Variants in SBF2 observed in about 807,000 individuals in gnomAD.
The protein encoded by SBF2 is SET binding factor 2.
A neutral mutation model predicts 225.2 loss-of-function variants in SBF2; 112 were observed. The observed-to-expected ratio is 0.50, with a 90% CI of 0.43 to 0.58. SBF2 has a LOEUF of 0.58. SBF2 is among the 20% of genes least tolerant of loss of function. The pLI, the probability that SBF2 is intolerant of heterozygous loss-of-function variation, is 0.00. For synonymous variants in SBF2, 763 were observed against 773.3 expected (o/e 0.99, Z 0.22); for missense variants, 1,996 against 2,206.2 (o/e 0.90, Z 1.91).
At chr11:9,830,754 A>AC (rs1269584810) in intron 27 of SBF2, among the ~76,000 whole-genome samples, 4 of 151,492 alleles carry the variant, frequency 2.6e-5, no homozygotes, top group African/African-American at 4.9e-5. Flanking sequence ...ACAAAAAAAA[A>AC]AAAACAAAAA....
At chr11:10,261,332 A>AG in intron 1 of SBF2, among the ~76,000 whole-genome samples, 1 of 152,162 alleles carries the variant, frequency 6.6e-6, no homozygotes, top group Non-Finnish European at 1.5e-5. Flanking sequence ...CTTACCGGGT[A>AG]GTGGGGACTA....
chr11:10,106,406 C>A (rs1590968206), intron 2 of SBF2, among the ~76,000 whole-genome samples: 1 of 152,256 alleles, frequency 6.6e-6, no homozygotes, highest in Middle Eastern at 3.4e-3. Context: ...GCAGGCGGCT[C>A]ACCTGAGGTC....
intron 1 of SBF2, among the ~76,000 whole-genome samples, chr11:10,212,532 A>G (rs1957974887): frequency 6.6e-6 from 1 of 152,166 alleles, no homozygotes; most frequent in South Asian, 2.1e-4. Context: ...TTCTTCAAGG[A>G]GTTCTAGATT....
Position 10,132,986 on chromosome 11 carries a change from C to CT in SBF2, c.141+60915dup, listed in dbSNP as rs1318879239. ...GATTGGTGCATTCACAAACCTTGAG[C>CT]TAAACACAGGGTGCTGATTGGTGTG... On this transcript the variant is annotated intron_variant, in intron 2 of 39. Transcript: ENST00000256190. Among the ~76,000 whole-genome samples, 3 of 149,218 alleles carry CT rather than the reference C, an allele frequency of 2.0e-5. 1 individual carries two copies. The East Asian group carries it at 6.6e-4, about 33-fold the overall frequency.
intron 2 of SBF2, among the ~76,000 whole-genome samples, chr11:10,063,830 AACACACAC>A (rs140036479): frequency 3.6e-4 from 51 of 140,220 alleles, no homozygotes; most frequent in East Asian, 1.1e-3. Flanking sequence ...TCTAAAATAA[AACACACAC>A]ACACACACAC....
chr11:10,190,315 C>G (rs576607436), intron 2 of SBF2, among the ~76,000 whole-genome samples: 7 of 152,308 alleles, frequency 4.6e-5, no homozygotes, highest in African/African-American at 1.7e-4. Context: ...CTTTGAAATG[C>G]TGTCACTAAA....
chr11:10,143,391 C>T (rs1225300805), intron 2 of SBF2, among the ~76,000 whole-genome samples: 3 of 152,078 alleles, frequency 2.0e-5, no homozygotes, highest in African/African-American at 7.2e-5. Flanking sequence ...AGGCTGGTCT[C>T]GAACTCCTGA....
chr11:9,949,054 A>C (rs997603466), intron 16 of SBF2, among the ~76,000 whole-genome samples: 3 of 152,170 alleles, frequency 2.0e-5, no homozygotes, highest in Admixed American at 6.5e-5. Context: ...GGACAAGGAA[A>C]GAAAGAAGGA....
At chr11:10,146,888 A>C (rs564366481) in intron 2 of SBF2, among the ~76,000 whole-genome samples, 1 of 152,296 alleles carries the variant, frequency 6.6e-6, no homozygotes, top group South Asian at 2.1e-4. Flanking sequence ...AACCCCATTA[A>C]AAAGTGGGCA....
At chr11:9,973,447 T>C (rs946962513) in intron 13 of SBF2, among the ~76,000 whole-genome samples, 3 of 152,238 alleles carry the variant, frequency 2.0e-5, no homozygotes, top group African/African-American at 7.2e-5. Flanking sequence ...ACAGTGAACC[T>C]GGCAACATTT....
chr11:9,823,545 G>T (rs1458980491), intron 28 of SBF2, among the ~76,000 whole-genome samples: 1 of 151,862 alleles, frequency 6.6e-6, no homozygotes, highest in Non-Finnish European at 1.5e-5. Flanking sequence ...ATGATAGGAG[G>T]CTCCTCTCAC....
chr11:9,994,048 C>T lies in SBF2; in HGVS notation c.976-50G>A, dbSNP rs746174171. ...TAAAATATCATAATATCAATGAAATCTATTATTGAGACATTAAGATGAAAA... is the reference window on the plus strand; with the variant it reads ...TAAAATATCATAATATCAATGAAATTTATTATTGAGACATTAAGATGAAAA... On this transcript the variant is annotated intron_variant, in intron 9 of 39. Coordinates refer to ENST00000256190, the MANE Select transcript of SBF2 (RefSeq NM_030962.4). The T allele has an allele frequency of 2.7e-6, 3 of 1,110,632 alleles. No homozygotes were observed. In the Admixed American group the frequency reaches 5.3e-5, roughly 19 times the overall value. The allele number at this position is 1,110,632 out of a possible 1,614,324, so 68.8% of individuals were successfully genotyped here. A position where few individuals can be genotyped will look rare whatever the true frequency, so the allele number is the denominator to read the frequency against.
chr11:10,245,932 C>T (rs1029225462), intron 1 of SBF2, among the ~76,000 whole-genome samples: 1 of 152,112 alleles, frequency 6.6e-6, no homozygotes, highest in Non-Finnish European at 1.5e-5. Flanking sequence ...CTATAATAGC[C>T]AAACTCACAA....
Position 9,846,818 on chromosome 11 carries a change from A to G in SBF2, c.2934+138T>C, listed in dbSNP as rs1381798975. 3 of 953,758 alleles carry G rather than the reference A, an allele frequency of 3.1e-6. No homozygotes were observed. The East Asian group carries it at 7.3e-5, about 23-fold the overall frequency. The allele number at this position is 953,758 out of a possible 1,614,324, so 59.1% of individuals were successfully genotyped here. A position where few individuals can be genotyped will look rare whatever the true frequency, so the allele number is the denominator to read the frequency against. ...TATTCATGAGTTTACTCAGCTGATG[A>G]CTACCCTCTCAGACCCTATGATCTT... On this transcript the variant is annotated intron_variant, in intron 23 of 39. Coordinates refer to ENST00000256190, the MANE Select transcript of SBF2 (RefSeq NM_030962.4).
chr11:10,067,463 A>C (rs1950669164), intron 2 of SBF2, among the ~76,000 whole-genome samples: 2 of 152,198 alleles, frequency 1.3e-5, no homozygotes, highest in African/African-American at 4.8e-5. Context: ...AGAATGCCAA[A>C]ACAACTCTGA....
chr11:9,901,227 A>G (rs932579184), intron 16 of SBF2, among the ~76,000 whole-genome samples: 1 of 152,364 alleles, frequency 6.6e-6, no homozygotes, highest in East Asian at 1.9e-4. Flanking sequence ...TTGGAAAGAT[A>G]AACAGAGCAC....
intron 16 of SBF2, among the ~76,000 whole-genome samples, chr11:9,950,042 G>C (rs894696354): frequency 6.6e-6 from 1 of 151,880 alleles, no homozygotes; most frequent in Non-Finnish European, 1.5e-5. Context: ...GCATAATGCT[G>C]ATAAAAATAA....
intron 16 of SBF2, among the ~76,000 whole-genome samples, chr11:9,942,942 G>GAAAGAAC (rs1383195932): frequency 6.5e-5 from 5 of 77,480 alleles, no homozygotes; most frequent in Admixed American, 2.4e-4. Flanking sequence ...AAAGAAAGAA[G>GAAAGAAC]GAAGGAACGA....
At chr11:9,883,797 C>A (rs1236495429) in intron 17 of SBF2, among the ~76,000 whole-genome samples, 3 of 152,116 alleles carry the variant, frequency 2.0e-5, no homozygotes, top group Non-Finnish European at 2.9e-5. Context: ...AAGTATCCCT[C>A]ATTTTTCATT....
Sources: allele counts gnomAD v4.1 joint callset (sites outside exome capture counted in the v4.1 genomes callset), GRCh38; gene constraint gnomAD v4.1.1; transcripts MANE v1.5; gene names NCBI Gene and HGNC (gene_info 2026-07-23, HGNC 2026-07-21).